Variants in LRRC4C observed in about 807,000 individuals in gnomAD.
The protein encoded by LRRC4C is leucine-rich repeat-containing protein 4C.
In LRRC4C, 5 loss-of-function variants were observed where a neutral mutation model predicts 33.6. The ratio of observed to expected loss-of-function variants is 0.15; its 90% CI spans 0.08 to 0.31. LRRC4C has a LOEUF of 0.31. LRRC4C is among the 10% of genes least tolerant of loss of function. The pLI, the probability that LRRC4C is intolerant of heterozygous loss-of-function variation, is 1.00. For synonymous variants in LRRC4C, 329 were observed against 302.0 expected (o/e 1.09, Z -0.93); for missense variants, 560 against 796.7 (o/e 0.70, Z 3.58).
At position 40,623,203 on chromosome 11, in the gene LRRC4C, T is replaced by C. The variant is rs565105502; in HGVS notation, c.-270+24939A>G. 2.6e-5 allele frequency among the ~76,000 whole-genome samples: 4 copies of C among 151,974 alleles called. No individual in the cohort carries two copies. In the East Asian group the frequency reaches 7.8e-4, roughly 29 times the overall value. On this transcript the variant is annotated intron_variant, in intron 3 of 6. Transcript: ENST00000528697. ...GGAAAAGATGATCACTAAGTCATTT[T>C]CAGCTGAAAGAATATCTTGATATGT... is the stretch of plus-strand genomic sequence containing the variant.
chr11:40,263,530 TG>T (rs112513480), intron 4 of LRRC4C, among the ~76,000 whole-genome samples: 1 of 151,962 alleles, frequency 6.6e-6, no homozygotes. Flanking sequence ...CTTACAGTTT[TG>T]GGGGCGGGGG....
chr11:40,956,268 T>C (rs1016003474), intron 1 of LRRC4C, among the ~76,000 whole-genome samples: 9 of 151,840 alleles, frequency 5.9e-5, no homozygotes, highest in African/African-American at 2.2e-4. Flanking sequence ...CTTATACTTA[T>C]TTGCTGGCTA....
chr11:40,937,603 ATGTGTGTGTG>A lies in LRRC4C; in HGVS notation c.-495-3890_-495-3881del, dbSNP rs35416837. Among the ~76,000 whole-genome samples, 716 of 136,000 alleles carry A rather than the reference ATGTGTGTGTG, an allele frequency of 5.3e-3. 3 individuals carry two copies. Among genetic ancestry groups the A allele is most frequent in the Middle Eastern group, 0.015 (4 of 270 alleles). The allele number at this position is 136,000 out of a possible 152,430, so 89.2% of individuals were successfully genotyped here. A position where few individuals can be genotyped will look rare whatever the true frequency, so the allele number is the denominator to read the frequency against. ...ATTCACTCTTCTTGAGTGTGTGTAT[ATGTGTGTGTG>A]TGTGTGTGTGTGTGTGTGTGTGTGT... On this transcript the variant is annotated intron_variant, in intron 1 of 6. Coordinates refer to ENST00000528697, the MANE Select transcript of LRRC4C (RefSeq NM_001258419.2).
chr11:40,881,274 T>C (rs184800527), intron 2 of LRRC4C, among the ~76,000 whole-genome samples: 2 of 152,264 alleles, frequency 1.3e-5, no homozygotes, highest in East Asian at 3.9e-4. Flanking sequence ...TTTATAATCT[T>C]ACTAAATTCA....
chr11:41,029,106 T>C (rs1486618934), intron 1 of LRRC4C, among the ~76,000 whole-genome samples: 5 of 151,780 alleles, frequency 3.3e-5, no homozygotes, highest in African/African-American at 9.7e-5. Flanking sequence ...GTACAGTTGA[T>C]GCAAAAGCCT....
intron 2 of LRRC4C, among the ~76,000 whole-genome samples, chr11:40,923,156 A>G (rs1038430630): frequency 6.6e-6 from 1 of 152,154 alleles, no homozygotes; most frequent in Non-Finnish European, 1.5e-5. Context: ...CACTAATTAG[A>G]AAACATTGTT....
intron 1 of LRRC4C, among the ~76,000 whole-genome samples, chr11:41,003,187 T>A (rs1333403329): frequency 1.5e-5 from 1 of 65,996 alleles, no homozygotes; most frequent in African/African-American, 5.9e-5. Flanking sequence ...TAAAATACAG[T>A]TCTGAAAAAA....
intron 1 of LRRC4C, among the ~76,000 whole-genome samples, chr11:41,029,548 T>C (rs1856587515): frequency 6.6e-6 from 1 of 151,842 alleles, no homozygotes; most frequent in Non-Finnish European, 1.5e-5. Context: ...AATGATCAAA[T>C]GATTTAAGAG....
chr11:40,613,104 G>T (rs1426967848), intron 3 of LRRC4C, among the ~76,000 whole-genome samples: 1 of 151,820 alleles, frequency 6.6e-6, no homozygotes, highest in African/African-American at 2.4e-5. Context: ...GATTGTGGTG[G>T]CTGAAGGTTG....
At chr11:41,267,854 TG>T (rs1018210993) in intron 1 of LRRC4C, among the ~76,000 whole-genome samples, 1 of 152,098 alleles carries the variant, frequency 6.6e-6, no homozygotes, top group African/African-American at 2.4e-5. Context: ...ATGCCTGAAA[TG>T]TAAGTAAATA....
At chr11:40,381,284 T>C (rs532331644) in intron 3 of LRRC4C, among the ~76,000 whole-genome samples, 1 of 150,820 alleles carries the variant, frequency 6.6e-6, no homozygotes, top group East Asian at 2.0e-4. Flanking sequence ...GTGGGGTCAA[T>C]CTGAGGTAGA....
intron 2 of LRRC4C, among the ~76,000 whole-genome samples, chr11:40,887,351 A>ATT (rs1160849340): frequency 1.4e-4 from 21 of 152,034 alleles, no homozygotes; most frequent in Non-Finnish European, 3.1e-4. Flanking sequence ...ACTTAGCATC[A>ATT]TTTAAAATAG....
intron 3 of LRRC4C, among the ~76,000 whole-genome samples, chr11:40,543,036 A>T (rs959087612): frequency 1.3e-5 from 2 of 152,144 alleles, no homozygotes; most frequent in Non-Finnish European, 2.9e-5. Flanking sequence ...AGAGGAAATC[A>T]GGCATATTAT....
chr11:40,459,939 G>A (rs1952313954), intron 3 of LRRC4C, among the ~76,000 whole-genome samples: 1 of 152,150 alleles, frequency 6.6e-6, no homozygotes, highest in Non-Finnish European at 1.5e-5. Flanking sequence ...AAGCTATTGA[G>A]GATTGGATAT....
At chr11:40,256,947 G>A (rs1035997198) in intron 4 of LRRC4C, among the ~76,000 whole-genome samples, 1 of 152,158 alleles carries the variant, frequency 6.6e-6, no homozygotes, top group African/African-American at 2.4e-5. Context: ...AAGCCATCGG[G>A]TGTTTCTGCC....
intron 3 of LRRC4C, among the ~76,000 whole-genome samples, chr11:40,600,188 A>G (rs1289962533): frequency 6.6e-6 from 1 of 152,228 alleles, no homozygotes. Context: ...CAGCCACTCA[A>G]TAACCACTAA....
intron 1 of LRRC4C, among the ~76,000 whole-genome samples, chr11:41,410,402 GTTTT>G (rs1336824802): frequency 0.013 from 1,772 of 141,290 alleles, 41 homozygotes; most frequent in African/African-American, 0.044. Flanking sequence ...TAGTGAGAAA[GTTTT>G]TTTTTTTTTC....
At chr11:40,782,915 T>C (rs1473042888) in intron 2 of LRRC4C, among the ~76,000 whole-genome samples, 1 of 152,156 alleles carries the variant, frequency 6.6e-6, no homozygotes, top group Non-Finnish European at 1.5e-5. Flanking sequence ...TGTATGTATG[T>C]ATGTGTGTGT....
intron 1 of LRRC4C, among the ~76,000 whole-genome samples, chr11:40,996,118 C>T (rs1333943170): frequency 6.6e-6 from 1 of 152,108 alleles, no homozygotes; most frequent in Non-Finnish European, 1.5e-5. Context: ...ACAGGCAATG[C>T]TGTTGTTACA....
Sources: allele counts gnomAD v4.1 joint callset (sites outside exome capture counted in the v4.1 genomes callset), GRCh38; gene constraint gnomAD v4.1.1; transcripts MANE v1.5; gene names NCBI Gene and HGNC (gene_info 2026-07-23, HGNC 2026-07-21).